CHD9: variants seen among roughly 807,000 people sequenced by gnomAD.
CHD9 encodes the protein chromodomain helicase DNA binding protein 9.
A neutral mutation model predicts 316.1 loss-of-function variants in CHD9; 77 were observed. That is an observed-to-expected ratio of 0.24 (90% CI 0.20 to 0.29). The LOEUF (loss-of-function observed/expected upper bound fraction) is 0.29. Among genes scored for constraint, CHD9 ranks in the 10% least tolerant of loss-of-function variants. CHD9 has a pLI of 1.00. For synonymous variants in CHD9, 1,129 were observed against 1,158.3 expected, an observed-to-expected ratio of 0.97 and a Z score of 0.51; for missense variants, 2,763 against 3,438.1, an observed-to-expected ratio of 0.80 and a Z score of 4.91.
At chr16:53,203,382 T>C (rs922828221) in intron 2 of CHD9, among the ~76,000 whole-genome samples, 1 of 152,082 alleles carries the variant, frequency 6.6e-6, no homozygotes, top group Non-Finnish European at 1.5e-5. Context: ...TTGCATTTTC[T>C]TGTTGTTTTC....
intron 1 of CHD9, among the ~76,000 whole-genome samples, chr16:53,117,546 C>G (rs1267333349): frequency 1.3e-5 from 2 of 152,164 alleles, no homozygotes; most frequent in South Asian, 2.1e-4. Flanking sequence ...TCCCAAGTAG[C>G]TGGAATTACA....
Position 53,209,804 on chromosome 16 carries a change from C to A in CHD9, c.1775C>A (p.Thr592Lys). Residue 592 changes from threonine (T) to lysine (K), a missense_variant, in exon 3 of 39, where the codon ACA becomes AAA. Around this residue, in one of 15 missense-constraint regions of CHD9, gnomAD observed 859 missense variants for 890.4 expected, o/e 0.96. Transcript: ENST00000447540. ...ACATGTTCTAAGTTAAAAGAGAAGA[C>A]AAAAATTGGGTAAGTTGGTTAAGAA... is the stretch of plus-strand genomic sequence containing the variant. ...TKTCSKLKEKTKIGKLIITLG... is the reference protein window; with the variant it reads ...TKTCSKLKEKKKIGKLIITLG... 6.4e-7 allele frequency: 1 copy of A among 1,562,856 alleles called. No individual in the cohort carries two copies. The highest frequency in any genetic ancestry group is 2.3e-5 in the East Asian group (1 of 43,568).
At chr16:53,318,441 G>A in intron 37 of CHD9, 101 bp downstream of exon 37, 3 of 844,226 alleles carry the variant, frequency 3.6e-6, no homozygotes, top group Non-Finnish European at 5.2e-6. Context: ...AACAGACCTG[G>A]AAATGAGTTG....
intron 1 of CHD9, among the ~76,000 whole-genome samples, chr16:53,102,860 T>G (rs575413462): frequency 3.9e-4 from 59 of 152,094 alleles, no homozygotes; most frequent in East Asian, 2.3e-3. Flanking sequence ...TTTCTTTTTT[T>G]GGGGGGACAG....
intron 1 of CHD9, among the ~76,000 whole-genome samples, chr16:53,071,905 A>C (rs1262391944): frequency 6.6e-6 from 1 of 152,150 alleles, no homozygotes; most frequent in East Asian, 1.9e-4. Context: ...TCTGTCACTC[A>C]ACGGTTTGGG....
At chr16:53,311,181 A>C (rs1318464684) in intron 34 of CHD9, 3 of 152,192 alleles carry the variant, frequency 2.0e-5, no homozygotes, top group Admixed American at 1.3e-4. Context: ...TCTCAAAAAA[A>C]AAAAAAAAAA....
In CHD9 at chr16:53,209,469, T is replaced by G; in HGVS notation, c.1453-13T>G. 6.5e-7 allele frequency: 1 copy of G among 1,547,008 alleles called. No homozygotes were observed. Among genetic ancestry groups the G allele is most frequent in the Non-Finnish European group, 8.7e-7 (1 of 1,143,664 alleles). On this transcript the variant is annotated splice_polypyrimidine_tract_variant and intron_variant, in intron 2 of 38. Coordinates refer to ENST00000447540, the MANE Select transcript of CHD9 (RefSeq NM_001308319.2). ...TTTGGTATATTCTATAAAAAATATT[T>G]TTGTTTCTGTAGCCTCCATCTTCCA...
chr16:53,245,393 A>C lies in CHD9; in HGVS notation c.3112A>C (p.Ser1038Arg). The C allele has an allele frequency of 6.3e-7, 1 of 1,593,744 alleles. No homozygotes were observed. Among genetic ancestry groups the C allele is most frequent in the Non-Finnish European group, 8.5e-7 (1 of 1,170,396 alleles). ...CCAAAATACAGTTGAAGAACTATTT[A>C]GTCTTCTTCACTTTCTTGAACCCTT... Reference protein sequence around the residue: ...PLQNTVEELFSLLHFLEPLRF... With the variant: ...PLQNTVEELFRLLHFLEPLRF... The change falls in exon 14 of 39, where the codon AGT becomes CGT. Residue 1038 changes from serine (S) to arginine (R), a missense_variant. Around this residue, in one of 15 missense-constraint regions of CHD9, gnomAD observed 155 missense variants for 291.8 expected, o/e 0.53. Transcript: ENST00000447540. The surrounding 1 kb of genome is among the most constrained non-coding windows in gnomAD (Gnocchi z 4.1).
intron 2 of CHD9, among the ~76,000 whole-genome samples, chr16:53,169,841 A>G (rs1030641313): frequency 1.3e-5 from 2 of 152,190 alleles, no homozygotes; most frequent in African/African-American, 4.8e-5. Flanking sequence ...TTCTTTAGAG[A>G]GATATCTGGT....
In CHD9 at chr16:53,324,507, C is replaced by T. The variant is rs764922400; in HGVS notation, c.8306C>T (p.Ser2769Phe). ...AGTTCAGAGAATGGTGGAGAAAACT[C>T]TGTGTCAAGTTCTCCTTCCACATCC... ...SQSSENGGEN[S>F]VSSSPSTSST... Residue 2769 changes from serine (S) to phenylalanine (F), a missense_variant, in exon 39 of 39, where the codon TCT (serine) becomes TTT (phenylalanine). Ser to Phe is a radical substitution (Grantham distance 155). Transcript: ENST00000447540. The T allele has an allele frequency of 1.2e-6, 2 of 1,613,934 alleles. No individual in the cohort carries two copies. Among genetic ancestry groups the T allele is most frequent in the African/African-American group, 1.3e-5 (1 of 75,056 alleles).
At chr16:53,205,094 G>A (rs961690548) in intron 2 of CHD9, among the ~76,000 whole-genome samples, 1 of 152,116 alleles carries the variant, frequency 6.6e-6, no homozygotes, top group Non-Finnish European at 1.5e-5. Context: ...CATCCACCTT[G>A]GCCTCCCCAA....
intron 1 of CHD9, among the ~76,000 whole-genome samples, chr16:53,137,774 A>G (rs1057342153): frequency 6.6e-6 from 1 of 152,238 alleles, no homozygotes; most frequent in Non-Finnish European, 1.5e-5. Context: ...AGTAGATTCT[A>G]ACAGAACCCA....
intron 37 of CHD9, among the ~76,000 whole-genome samples, chr16:53,318,708 C>T (rs1210203069): frequency 2.6e-5 from 4 of 152,124 alleles, no homozygotes; most frequent in Admixed American, 2.6e-4. Context: ...GGAGAAGATG[C>T]TACTGGTATC....
chr16:53,239,857 T>G (rs2048942660), intron 12 of CHD9, among the ~76,000 whole-genome samples: 1 of 152,132 alleles, frequency 6.6e-6, no homozygotes, highest in Non-Finnish European at 1.5e-5. Flanking sequence ...CTAATTAAGA[T>G]ATCATGGACT....
At chr16:53,264,848 T>C (rs756720745) in intron 20 of CHD9, among the ~76,000 whole-genome samples, 2 of 152,120 alleles carry the variant, frequency 1.3e-5, no homozygotes, top group Non-Finnish European at 2.9e-5. Context: ...GAAGCAGAAA[T>C]ACATTATGGC....
intron 4 of CHD9, among the ~76,000 whole-genome samples, chr16:53,224,068 A>ATGT (rs1366394757): frequency 5.3e-5 from 8 of 152,214 alleles, no homozygotes; most frequent in Non-Finnish European, 7.4e-5. Flanking sequence ...AAGAAGTGCA[A>ATGT]TGTTAAAATA....
At chr16:53,306,769 G>C (rs575966658) in intron 32 of CHD9, among the ~76,000 whole-genome samples, 2 of 151,210 alleles carry the variant, frequency 1.3e-5, no homozygotes, top group Non-Finnish European at 2.9e-5. Context: ...GAAGAAGAAA[G>C]ATTGAATTAA....
At chr16:53,228,354 GT>G (rs945218104) in intron 7 of CHD9, among the ~76,000 whole-genome samples, 20 of 147,848 alleles carry the variant, frequency 1.4e-4, no homozygotes, top group South Asian at 4.3e-4. Context: ...AAAAAAAAAA[GT>G]TTTTTTTTTC....
At chr16:53,093,235 A>G (rs2036101567) in intron 1 of CHD9, among the ~76,000 whole-genome samples, 1 of 152,178 alleles carries the variant, frequency 6.6e-6, no homozygotes, top group Non-Finnish European at 1.5e-5. Context: ...TTTGGTCACA[A>G]CCTATTCAGC....
Sources: gnomAD v4.1 joint callset for allele counts (sites outside exome capture counted in the v4.1 genomes callset) on GRCh38, gnomAD v4.1.1 for gene constraint, gnomAD v4.1.1 regional missense constraint, Gnocchi (gnomAD v3.1) non-coding constraint, MANE v1.5 for transcripts, NCBI Gene and HGNC (gene_info 2026-07-23, HGNC 2026-07-21) for gene names.